The following MEGF6 variants were observed in gnomAD, a reference collection of about 807,000 sequenced individuals.
MEGF6 encodes the protein multiple EGF like domains 6.
Under a neutral mutation model 207.1 loss-of-function variants are expected in MEGF6, and 184 were observed. The ratio of observed to expected loss-of-function variants is 0.89; its 90% CI spans 0.79 to 1.00. The LOEUF (loss-of-function observed/expected upper bound fraction) is 1.00. Among genes scored for constraint, MEGF6 ranks in the 50% least tolerant of loss-of-function variants. The probability of loss-of-function intolerance (pLI) is 0.00; values close to 1 mark genes in which losing one functional copy is unlikely to be tolerated. For synonymous variants in MEGF6, 1,038 were observed against 910.0 expected, an observed-to-expected ratio of 1.14 and a Z score of -2.53; for missense variants, 2,282 against 2,202.9, an observed-to-expected ratio of 1.04 and a Z score of -0.72.
chr1:3,511,717 G>C, intron 8 of MEGF6, 30 bp from the exon 9 acceptor site: 1 of 1,589,080 alleles, frequency 6.3e-7, no homozygotes, highest in East Asian at 2.3e-5. Context: ...CCAGGGTATG[G>C]GATGGCGGCT....
chr1:3,499,673 G>A lies in MEGF6; in HGVS notation c.2880C>T (p.Cys960=). 1 of 1,600,024 alleles carries A rather than the reference G, an allele frequency of 6.2e-7. No homozygotes were observed. The highest frequency in any genetic ancestry group is 1.3e-5 in the African/African-American group (1 of 74,882). ...CACAGGCAGCTCCGGCGGTGCAGTT[G>A]CAGGCACTGCGACAGTCCAATCCAA... ...GFFGLDCRSA[C]NCTAGAACDA... The change falls in exon 23 of 37, where the codon TGC becomes TGT. Residue 960 remains cysteine (C), a synonymous_variant. Coordinates refer to ENST00000356575, the MANE Select transcript of MEGF6 (RefSeq NM_001409.4).
intron 5 of MEGF6, among the ~76,000 whole-genome samples, chr1:3,523,698 G>C (rs1163268304): frequency 6.6e-6 from 1 of 152,202 alleles, no homozygotes. Context: ...CCACCACGTA[G>C]CACGTGACCC....
chr1:3,512,833 A>T (rs1428340683), intron 7 of MEGF6, among the ~76,000 whole-genome samples: 8 of 152,180 alleles, frequency 5.3e-5, no homozygotes, highest in Non-Finnish European at 1.2e-4. Context: ...TTGGAAACTG[A>T]CCACTGCCTG....
At chr1:3,601,923 C>T (rs56770023) in intron 2 of MEGF6, among the ~76,000 whole-genome samples, 68,985 of 152,068 alleles carry the variant, frequency 0.45, 17,505 homozygotes, top group Non-Finnish European at 0.58. Flanking sequence ...CCTTCCCTCC[C>T]ACAGACACAC....
intron 5 of MEGF6, among the ~76,000 whole-genome samples, chr1:3,522,149 G>T (rs1641774852): frequency 6.6e-6 from 1 of 152,210 alleles, no homozygotes; most frequent in African/African-American, 2.4e-5. Flanking sequence ...GCCTTGCTGG[G>T]AGCCTCAGTC....
chr1:3,563,613 G>T (rs987464002), intron 4 of MEGF6, among the ~76,000 whole-genome samples: 11 of 152,200 alleles, frequency 7.2e-5, no homozygotes, highest in African/African-American at 2.7e-4. Context: ...ATGGAGTGAG[G>T]AATGTTTCAC....
chr1:3,579,197 C>A (rs1472284369), intron 4 of MEGF6, among the ~76,000 whole-genome samples: 1 of 152,256 alleles, frequency 6.6e-6, no homozygotes, highest in Non-Finnish European at 1.5e-5. Flanking sequence ...ACTCCCGCTT[C>A]CCATGGCCCA....
At chr1:3,595,828 G>C (rs961898203) in intron 2 of MEGF6, among the ~76,000 whole-genome samples, 1 of 152,172 alleles carries the variant, frequency 6.6e-6, no homozygotes, top group Non-Finnish European at 1.5e-5. Context: ...TGAGCATCTC[G>C]GGGAGTTGGA....
Position 3,496,915 on chromosome 1 carries a change from G to A in MEGF6, c.3613+73C>T, listed in dbSNP as rs558154462. ...CCCCCTCAGATGAGGGCCTTCCCGG[G>A]GACCAGGGGAACTGGGGCCCAGCAC... On this transcript the variant is annotated intron_variant, in intron 28 of 36. Coordinates refer to ENST00000356575, the MANE Select transcript of MEGF6 (RefSeq NM_001409.4). The A allele has an allele frequency of 3.5e-5, 53 of 1,528,566 alleles. 1 individual carries two copies. The highest frequency in any genetic ancestry group is 4.2e-5 in the Non-Finnish European group (48 of 1,135,200). 94.7% of individuals were successfully genotyped at this position (1,528,566 alleles called of 1,614,324 possible).
At chr1:3,620,774 T>A in the MEGF6 span, among the ~76,000 whole-genome samples, 1 of 152,204 alleles carries the variant, frequency 6.6e-6, no homozygotes, top group Non-Finnish European at 1.5e-5. Flanking sequence ...GGACCACTAT[T>A]ACCAAGGCGC....
At chr1:3,534,917 T>C (rs1202229276) in intron 4 of MEGF6, among the ~76,000 whole-genome samples, 1 of 152,016 alleles carries the variant, frequency 6.6e-6, no homozygotes, top group Non-Finnish European at 1.5e-5. Context: ...ACCCCTTCCA[T>C]TCATCTGGAC....
At chr1:3,587,943 G>A (rs575038871) in intron 3 of MEGF6, among the ~76,000 whole-genome samples, 1 of 22,964 alleles carries the variant, frequency 4.4e-5, no homozygotes, top group Non-Finnish European at 7.4e-5. Flanking sequence ...GGGGCAGGAG[G>A]GGGCAGGAGG....
intron 23 of MEGF6, 107 bp from the exon 24 acceptor site, chr1:3,499,373 T>A: frequency 6.9e-7 from 1 of 1,449,192 alleles, no homozygotes; most frequent in South Asian, 1.4e-5. Flanking sequence ...TCGGCTGCTA[T>A]GGCCAACTCT....
chr1:3,539,921 G>A (rs1307396651), intron 4 of MEGF6, among the ~76,000 whole-genome samples: 1 of 152,176 alleles, frequency 6.6e-6, no homozygotes, highest in African/African-American at 2.4e-5. Flanking sequence ...TGCAGCCTGC[G>A]AGAGTTACGC....
At chr1:3,618,123 C>T in the MEGF6 span, among the ~76,000 whole-genome samples, 1 of 152,170 alleles carries the variant, frequency 6.6e-6, no homozygotes, top group South Asian at 2.1e-4. The surrounding 1 kb of genome is among the most constrained non-coding windows in gnomAD (Gnocchi z 4.7). Flanking sequence ...ATCACCCCGG[C>T]GCCATCCCCA....
At chr1:3,613,517 T>G (rs1644353346), upstream of MEGF6, among the ~76,000 whole-genome samples, 1 of 152,200 alleles carries the variant, frequency 6.6e-6, no homozygotes, top group African/African-American at 2.4e-5. Context: ...GTTCACCTGC[T>G]TCTCTGCTGA....
At chr1:3,610,454 G>A (rs1486024083) in intron 1 of MEGF6, among the ~76,000 whole-genome samples, 3 of 152,092 alleles carry the variant, frequency 2.0e-5, no homozygotes, top group Admixed American at 6.5e-5. Flanking sequence ...GGAGTGCTGG[G>A]TGGGGGCGCC....
At chr1:3,522,245 G>A (rs1228458432) in intron 5 of MEGF6, among the ~76,000 whole-genome samples, 2 of 152,198 alleles carry the variant, frequency 1.3e-5, no homozygotes, top group Non-Finnish European at 2.9e-5. Context: ...TGACAGGCTG[G>A]CACGCAGGCG....
chr1:3,548,446 C>G (rs1453617559), intron 4 of MEGF6, among the ~76,000 whole-genome samples: 5 of 152,246 alleles, frequency 3.3e-5, no homozygotes, highest in African/African-American at 9.6e-5. Context: ...CTGCGGAGGT[C>G]CATGGTGGGA....
Sources: allele counts gnomAD v4.1 joint callset (sites outside exome capture counted in the v4.1 genomes callset), GRCh38; gene constraint gnomAD v4.1.1; non-coding constraint Gnocchi (gnomAD v3.1); transcripts MANE v1.5; gene names NCBI Gene and HGNC (gene_info 2026-07-23, HGNC 2026-07-21).